JUN: variants seen among roughly 807,000 people sequenced by gnomAD.
JUN encodes the protein transcription factor Jun.
JUN carries 7 observed loss-of-function variants against 19.7 expected under a neutral mutation model. The ratio of observed to expected loss-of-function variants is 0.36; its 90% CI spans 0.20 to 0.67. The LOEUF (loss-of-function observed/expected upper bound fraction) is 0.67. Among genes scored for constraint, JUN ranks in the 30% least tolerant of loss-of-function variants. The probability of loss-of-function intolerance (pLI) is 0.64; values close to 1 mark genes in which losing one functional copy is unlikely to be tolerated. For missense variants in JUN, 373 were observed against 451.0 expected (o/e 0.83, Z 1.57); for synonymous variants, 246 against 206.9 (o/e 1.19, Z -1.62).
rs1377413912 is a variant in JUN, at chr1:58,782,498, G to A, written c.573C>T (p.Gly191=). ...GCGCGGGAAAGGCCAGGCCGGCCGC[G>A]CCGTAGGAGGGCGCCCCGCCGCCGC... is the stretch of plus-strand genomic sequence containing the variant. ...LSSGGGAPSY[G]AAGLAFPAQP... Residue 191 remains glycine, a synonymous_variant, in exon 1 of 1, where the codon GGC becomes GGT. Transcript: ENST00000371222. The surrounding 1 kb of genome is among the most constrained non-coding windows in gnomAD (Gnocchi z 8.7). The A allele has an allele frequency of 2.5e-6, 4 of 1,571,974 alleles. No homozygotes were observed. Among genetic ancestry groups the A allele is most frequent in the Non-Finnish European group, 3.4e-6 (4 of 1,165,384 alleles).
In JUN at chr1:58,782,943, G is replaced by T; in HGVS notation, c.128C>A (p.Ala43Asp). The T allele has an allele frequency of 6.2e-7, 1 of 1,614,248 alleles. No individual in the cohort carries two copies. Among genetic ancestry groups the T allele is most frequent in the South Asian group, 1.1e-5 (1 of 91,090 alleles). ...CGGCTTCAGGCTCCCCACTGGGTCG[G>T]CCAGGTTCAGGGTCATGCTCTGTTT... The part of the protein sequence containing the change: ...ILKQSMTLNL[A>D]DPVGSLKPHL... The change falls in exon 1 of 1, where the codon GCC becomes GAC. Residue 43 changes from alanine (A) to aspartate (D), a missense_variant. By Grantham distance (126) the Ala-to-Asp change is moderately radical. This residue lies in a region of JUN where 113 missense variants were observed against 136.9 expected (regional missense o/e 0.83). Coordinates refer to ENST00000371222, the MANE Select transcript of JUN (RefSeq NM_002228.4). This position sits in a 1 kb window ranked among gnomAD's most constrained non-coding sequence, Gnocchi z 8.7.
In JUN at chr1:58,781,531, CAT is replaced by C. The variant is rs1234541165; in HGVS notation, c.*542_*543del. 4.5e-6 allele frequency: 1 copy of C among 223,920 alleles called. No individual in the cohort carries two copies. The highest frequency in any genetic ancestry group is 2.2e-5 in the African/African-American group (1 of 44,670). 13.9% of individuals were successfully genotyped at this position (223,920 alleles called of 1,614,324 possible). A position where few individuals can be genotyped will look rare whatever the true frequency, so the allele number is the denominator to read the frequency against. On this transcript the variant is annotated 3_prime_UTR_variant, in exon 1 of 1. Coordinates refer to ENST00000371222, the MANE Select transcript of JUN (RefSeq NM_002228.4). The stretch of plus-strand genomic sequence containing the variant: ...CTGTTTATTGACAGTAATCAGCTTT[CAT>C]CAAATTAAAAAATATATATATGTAC...
Sources: allele counts gnomAD v4.1 joint callset, GRCh38; gene constraint gnomAD v4.1.1; regional missense constraint gnomAD v4.1.1; non-coding constraint Gnocchi (gnomAD v3.1); transcripts MANE v1.5; gene names NCBI Gene and HGNC (gene_info 2026-07-23, HGNC 2026-07-21).